The following PIAS2 variants were observed in gnomAD, a reference collection of about 807,000 sequenced individuals.
The protein encoded by PIAS2 is protein inhibitor of activated STAT 2.
PIAS2 carries 19 observed loss-of-function variants against 69.7 expected under a neutral mutation model. The ratio of observed to expected loss-of-function variants is 0.27; its 90% CI spans 0.19 to 0.40. The LOEUF is 0.40. Ranked by LOEUF, PIAS2 falls within the 10% of genes least tolerant of loss-of-function variation. PIAS2 has a pLI of 1.00. For missense variants in PIAS2, 624 were observed against 757.0 expected (o/e 0.82, Z 2.06); for synonymous variants, 261 against 263.2 (o/e 0.99, Z 0.08).
rs1241713228 is a variant in PIAS2, at chr18:46,809,939, G to A, written c.*2494C>T. 1.3e-5 allele frequency: 2 copies of A among 152,014 alleles called. No homozygotes were observed. Among genetic ancestry groups the A allele is most frequent in the African/African-American group, 4.8e-5 (2 of 41,390 alleles). The allele number at this position is 152,014 out of a possible 1,614,324, so 9.4% of individuals were successfully genotyped here. A position where few individuals can be genotyped will look rare whatever the true frequency, so the allele number is the denominator to read the frequency against. On this transcript the variant is annotated 3_prime_UTR_variant, in exon 14 of 14. Transcript: ENST00000585916. ...AGCAAAATAAACTACTAGAAAGTCA[G>A]GGTCTGGATAAGAAACAGTGACCAC...
intron 2 of PIAS2, among the ~76,000 whole-genome samples, chr18:46,867,505 T>G (rs1181842501): frequency 1.3e-5 from 2 of 152,216 alleles, no homozygotes; most frequent in Non-Finnish European, 2.9e-5. Context: ...TATGCAGGTT[T>G]TGCAGTTTAT....
At chr18:46,857,521 A>C (rs2048016772) in intron 3 of PIAS2, among the ~76,000 whole-genome samples, 1 of 152,194 alleles carries the variant, frequency 6.6e-6, no homozygotes, top group East Asian at 1.9e-4. Flanking sequence ...TAGGAACATG[A>C]GTAACTGTGG....
chr18:46,891,082 C>A, intron 1 of PIAS2, 28 bp from the exon 2 acceptor site: 2 of 1,444,842 alleles, frequency 1.4e-6, no homozygotes, highest in Admixed American at 2.1e-5. Context: ...AAAACATAAG[C>A]CAAGTCACCC....
chr18:46,886,168 C>A (rs1355552549), intron 2 of PIAS2, among the ~76,000 whole-genome samples: 1 of 152,168 alleles, frequency 6.6e-6, no homozygotes, highest in African/African-American at 2.4e-5. Context: ...TAACCACTAC[C>A]CTACAGACCC....
intron 2 of PIAS2, among the ~76,000 whole-genome samples, chr18:46,878,896 C>T (rs1275018767): frequency 6.6e-6 from 1 of 152,104 alleles, no homozygotes; most frequent in Non-Finnish European, 1.5e-5. Flanking sequence ...AACAAGAATG[C>T]TTCCTAGCGG....
Position 46,829,785 on chromosome 18 carries a change from G to A in PIAS2, c.1285C>T (p.Pro429Ser), listed in dbSNP as rs1221889624. The change falls in exon 10 of 14, where the codon CCG (proline) becomes TCG (serine). Residue 429 changes from proline (P) to serine (S), a missense_variant. Transcript: ENST00000585916. ...QEDGSWCPMR[P>S]KKEAMKVSSQ... The stretch of plus-strand genomic sequence containing the variant: ...GATACTTTCATAGCTTCTTTCTTCG[G>A]TCTCATTGGACACCAAGAACCATCT... 6.8e-6 allele frequency: 11 copies of A among 1,613,116 alleles called. No individual in the cohort carries two copies. In the East Asian group the frequency reaches 2.5e-4, roughly 36 times the overall value.
rs72911127 is a variant in PIAS2, at chr18:46,877,553, C to T, written c.499+13027G>A. The stretch of plus-strand genomic sequence containing the variant: ...AAAACTACCCTTCCTGCCTTTGCCG[C>T]GCCCTGACATGCCCAAACACGTCTT... On this transcript the variant is annotated intron_variant, in intron 2 of 13. Coordinates refer to ENST00000585916, the MANE Select transcript of PIAS2 (RefSeq NM_004671.5). 5.5e-3 allele frequency among the ~76,000 whole-genome samples: 841 copies of T among 152,256 alleles called. 4 individuals are homozygous for T. The highest frequency in any genetic ancestry group is 7.6e-3 in the African/African-American group (317 of 41,540).
chr18:46,910,471 T>TA (rs150419008), intron 1 of PIAS2, among the ~76,000 whole-genome samples: 4,693 of 152,288 alleles, frequency 0.031, 207 homozygotes, highest in African/African-American at 0.1. Context: ...AACCCACTGT[T>TA]AGAGTCACCA....
At chr18:46,844,707 T>A in intron 7 of PIAS2, 27 bp downstream of exon 7, 1 of 847,638 alleles carries the variant, frequency 1.2e-6, no homozygotes, top group Admixed American at 2.9e-5. Flanking sequence ...TTTTTTTAAA[T>A]GCTTGGTCTT....
chr18:46,848,542 A>T (rs2046480711), intron 5 of PIAS2, among the ~76,000 whole-genome samples: 1 of 152,168 alleles, frequency 6.6e-6, no homozygotes, highest in African/African-American at 2.4e-5. Flanking sequence ...GTAGTATCAC[A>T]AGCAAAGAGG....
chr18:46,868,823 T>C (rs2049889640), intron 2 of PIAS2, among the ~76,000 whole-genome samples: 1 of 152,206 alleles, frequency 6.6e-6, no homozygotes, highest in African/African-American at 2.4e-5. Flanking sequence ...AAGAGGTCCC[T>C]GATCATCTCT....
At chr18:46,824,792 C>T (rs919204999) in intron 11 of PIAS2, among the ~76,000 whole-genome samples, 4 of 148,730 alleles carry the variant, frequency 2.7e-5, no homozygotes, top group Non-Finnish European at 5.9e-5. Flanking sequence ...GGCTTGAGCT[C>T]AGGAGTTCGA....
intron 2 of PIAS2, among the ~76,000 whole-genome samples, chr18:46,872,521 C>A (rs1453138247): frequency 6.6e-6 from 1 of 152,192 alleles, no homozygotes; most frequent in Non-Finnish European, 1.5e-5. Flanking sequence ...ACGTGGATGA[C>A]CTGCTTATAT....
At chr18:46,828,990 T>C (rs191654554) in intron 10 of PIAS2, among the ~76,000 whole-genome samples, 46 of 152,354 alleles carry the variant, frequency 3.0e-4, no homozygotes, top group Admixed American at 1.4e-3. Context: ...AAATCCTTTA[T>C]TTTTTCCCCT....
At chr18:46,883,672 CTACAAAAAAA>C (rs1284533416) in intron 2 of PIAS2, among the ~76,000 whole-genome samples, 38 of 152,196 alleles carry the variant, frequency 2.5e-4, no homozygotes, top group Non-Finnish European at 4.4e-5. Context: ...AATCTCATAT[CTACAAAAAAA>C]TACAAAAAAA....
At position 46,809,423 on chromosome 18, in the gene PIAS2, G is replaced by A. The variant is rs958801679; in HGVS notation, c.*3010C>T. The A allele has an allele frequency of 3.3e-5, 5 of 152,190 alleles. No individual in the cohort carries two copies. The highest frequency in any genetic ancestry group is 4.8e-5 in the African/African-American group (2 of 41,442). The allele number at this position is 152,190 out of a possible 1,614,324, so 9.4% of individuals were successfully genotyped here. On this transcript the variant is annotated 3_prime_UTR_variant, in exon 14 of 14. Coordinates refer to ENST00000585916, the MANE Select transcript of PIAS2 (RefSeq NM_004671.5). ...ACACTGTGGGGGGTTACCAGAACAA[G>A]AAAAGGCCTTCATAGTTCTAAGTGA...
chr18:46,909,709 C>T (rs1202499756), intron 1 of PIAS2, among the ~76,000 whole-genome samples: 1 of 152,124 alleles, frequency 6.6e-6, no homozygotes, highest in Non-Finnish European at 1.5e-5. Flanking sequence ...TTCTTAAATA[C>T]CAGCAATTCT....
chr18:46,838,289 C>A (rs1599569799), intron 8 of PIAS2, among the ~76,000 whole-genome samples: 1 of 152,198 alleles, frequency 6.6e-6, no homozygotes, highest in African/African-American at 2.4e-5. Flanking sequence ...AACACTTTCA[C>A]AATTACATAA....
chr18:46,885,654 A>T (rs569228596), intron 2 of PIAS2, among the ~76,000 whole-genome samples: 1 of 152,206 alleles, frequency 6.6e-6, no homozygotes, highest in South Asian at 2.1e-4. Flanking sequence ...ACTGCACTCC[A>T]GCCTGGGTGA....
Sources: allele counts gnomAD v4.1 joint callset (sites outside exome capture counted in the v4.1 genomes callset), GRCh38; gene constraint gnomAD v4.1.1; transcripts MANE v1.5; gene names NCBI Gene and HGNC (gene_info 2026-07-23, HGNC 2026-07-21).